The following PPM1L variants were observed in gnomAD, a reference collection of about 807,000 sequenced individuals.
The protein encoded by PPM1L is protein phosphatase 1L.
In PPM1L, 13 loss-of-function variants were observed where a neutral mutation model predicts 31.4. The observed-to-expected ratio is 0.41, with a 90% CI of 0.27 to 0.66. The LOEUF is 0.66. Among genes scored for constraint, PPM1L ranks in the 30% least tolerant of loss-of-function variants. The pLI is 0.29. For missense variants in PPM1L, 326 were observed against 453.7 expected (o/e 0.72, Z 2.56); for synonymous variants, 184 against 175.4 (o/e 1.05, Z -0.39).
At chr3:160,809,052 A>G (rs1321314527) in intron 1 of PPM1L, among the ~76,000 whole-genome samples, 1 of 152,178 alleles carries the variant, frequency 6.6e-6, no homozygotes, top group Non-Finnish European at 1.5e-5. Context: ...CCAGGTGCTA[A>G]TGTCACTGTG....
intron 2 of PPM1L, among the ~76,000 whole-genome samples, chr3:161,025,577 GAAA>G (rs35588038): frequency 3.9e-5 from 5 of 128,496 alleles, no homozygotes; most frequent in Non-Finnish European, 5.1e-5. Context: ...ATTTGTAAAT[GAAA>G]AAAAAAAAAA....
At position 160,843,424 on chromosome 3, in the gene PPM1L, TTTTATATATATA is replaced by T. The variant is rs1220423060; in HGVS notation, c.399+86719_399+86730del. Among the ~76,000 whole-genome samples the T allele has an allele frequency of 2.6e-3, 128 of 50,092 alleles. 2 individuals are homozygous for T. Among genetic ancestry groups the T allele is most frequent in the African/African-American group, 7.8e-3 (122 of 15,704 alleles). 32.9% of individuals were successfully genotyped at this position (50,092 alleles called of 152,430 possible). ...TTTTTTTGTGTGTGTATGGCAATTCTTTTATATATATATATATATATATATATATATATATAT... is the reference window on the plus strand; with the variant it reads ...TTTTTTTGTGTGTGTATGGCAATTCTTATATATATATATATATATATATAT... On this transcript the variant is annotated intron_variant, in intron 1 of 3. Transcript: ENST00000498165.
At chr3:160,766,108 T>A (rs79766260) in intron 1 of PPM1L, among the ~76,000 whole-genome samples, 2,511 of 152,328 alleles carry the variant, frequency 0.016, 63 homozygotes, top group African/African-American at 0.057. Flanking sequence ...AAAATAGTTA[T>A]TGTAATGATA....
chr3:161,025,233 G>A (rs956742398), intron 2 of PPM1L, among the ~76,000 whole-genome samples: 4 of 152,056 alleles, frequency 2.6e-5, no homozygotes. Flanking sequence ...TAGGCCATGA[G>A]AGCTTCTCCT....
chr3:160,799,914 G>A (rs1342563257), intron 1 of PPM1L, among the ~76,000 whole-genome samples: 1 of 151,910 alleles, frequency 6.6e-6, no homozygotes, highest in South Asian at 2.1e-4. Flanking sequence ...TGTATTGTAC[G>A]TCTCCCCTCC....
intron 1 of PPM1L, among the ~76,000 whole-genome samples, chr3:160,824,047 A>G (rs1190668685): frequency 6.6e-6 from 1 of 152,184 alleles, no homozygotes; most frequent in African/African-American, 2.4e-5. Context: ...TGTGCAATAG[A>G]TTGAATATTT....
Position 160,945,589 on chromosome 3 carries a change from T to G in PPM1L, c.400-16147T>G, listed in dbSNP as rs143584355. ...TTTATTTTGAGGACACTGTGACTTG[T>G]GCAGATGGTTGCCTTTATTTCTTTG... On this transcript the variant is annotated intron_variant, in intron 1 of 3. Coordinates refer to ENST00000498165, the MANE Select transcript of PPM1L (RefSeq NM_139245.4). Among the ~76,000 whole-genome samples, 29 of 152,284 alleles carry G rather than the reference T, an allele frequency of 1.9e-4. No homozygotes were observed. The East Asian group carries it at 5.4e-3, about 28-fold the overall frequency.
rs1034278803 is a variant in PPM1L at position 161,069,007 on chromosome 3, A to G, written c.933A>G (p.Glu311=). ...GTCTCTGGGATGCTTTCAGCAATGAAGAAGCAGTTCGATTCATCAAGGAGC... is the reference window on the plus strand; with the variant it reads ...GTCTCTGGGATGCTTTCAGCAATGAGGAAGCAGTTCGATTCATCAAGGAGC... ...SDGLWDAFSN[E]EAVRFIKERL... The change falls in exon 4 of 4, where the codon GAA becomes GAG. Residue 311 remains glutamate (E), a synonymous_variant. Coordinates refer to ENST00000498165, the MANE Select transcript of PPM1L (RefSeq NM_139245.4). The G allele has an allele frequency of 3.1e-6, 5 of 1,614,212 alleles. No homozygotes were observed. Among genetic ancestry groups the G allele is most frequent in the Non-Finnish European group, 4.2e-6 (5 of 1,180,026 alleles).
At chr3:160,798,712 A>G (rs1050431396) in intron 1 of PPM1L, among the ~76,000 whole-genome samples, 7 of 152,256 alleles carry the variant, frequency 4.6e-5, no homozygotes, top group Admixed American at 3.3e-4. Context: ...GCCTGCTAAC[A>G]CAACATCCAT....
intron 1 of PPM1L, among the ~76,000 whole-genome samples, chr3:160,819,782 G>GA: frequency 6.6e-6 from 1 of 152,106 alleles, no homozygotes; most frequent in South Asian, 2.1e-4. Flanking sequence ...GGGGAAGGGA[G>GA]AGTAGCCTGG....
rs184451195 is a variant in PPM1L, at chr3:160,940,070, T to G, written c.400-21666T>G. 1.8e-4 allele frequency among the ~76,000 whole-genome samples: 28 copies of G among 152,296 alleles called. No individual in the cohort carries two copies. The East Asian group carries it at 3.7e-3, about 20-fold the overall frequency. On this transcript the variant is annotated intron_variant, in intron 1 of 3. Coordinates refer to ENST00000498165, the MANE Select transcript of PPM1L (RefSeq NM_139245.4). ...GAGCAAAGGTGATTTTTATTATGTT[T>G]TAGCAAAGAGACTGGTGGCATTTTG...
chr3:161,022,434 T>C (rs552881240), intron 2 of PPM1L: 1 of 311,496 alleles, frequency 3.2e-6, no homozygotes, highest in African/African-American at 2.1e-5. Flanking sequence ...TAATTCTTTT[T>C]AAATTAAAAT....
chr3:160,838,846 T>C (rs1713788827), intron 1 of PPM1L, among the ~76,000 whole-genome samples: 1 of 152,186 alleles, frequency 6.6e-6, no homozygotes, highest in Admixed American at 6.5e-5. Flanking sequence ...AGGCTTGTCT[T>C]TGAGGACTTA....
At chr3:160,961,048 AAAAC>A (rs1715948756) in intron 1 of PPM1L, among the ~76,000 whole-genome samples, 1 of 152,190 alleles carries the variant, frequency 6.6e-6, no homozygotes, top group Admixed American at 6.5e-5. Flanking sequence ...GTAAAAACAA[AAAAC>A]AAACAGCAAC....
chr3:161,000,881 C>T (rs1717459791), intron 2 of PPM1L, among the ~76,000 whole-genome samples: 1 of 152,162 alleles, frequency 6.6e-6, no homozygotes, highest in South Asian at 2.1e-4. Context: ...CTGATTAAAA[C>T]CTCTTTAATC....
intron 1 of PPM1L, among the ~76,000 whole-genome samples, chr3:160,810,021 C>T (rs958894340): frequency 7.2e-5 from 11 of 151,982 alleles, no homozygotes; most frequent in Admixed American, 7.2e-4. Flanking sequence ...ATCTAGCGTG[C>T]TTCTGAGCCC....
intron 1 of PPM1L, among the ~76,000 whole-genome samples, chr3:160,808,388 T>TGTGTGTGTGTGTGTGTGTGCGCGCGCGC (rs1560112664): frequency 0.019 from 2,592 of 138,462 alleles, 86 homozygotes; most frequent in Non-Finnish European, 0.029. Flanking sequence ...TTTTCCTGTG[T>TGTGTGTGTGTGTGTGTGTGCGCGCGCGC]GTGTGTGTGT....
rs190194947 is a variant in PPM1L, at chr3:160,847,994, G to T, written c.399+91287G>T. Among the ~76,000 whole-genome samples, 17 of 152,266 alleles carry T rather than the reference G, an allele frequency of 1.1e-4. No individual in the cohort carries two copies. In the East Asian group the frequency reaches 3.3e-3, roughly 29 times the overall value. Reference sequence around the variant, plus strand: ...ACAGTGAATTATTATGGAATGGAGGGCAGTCTGATTAGGCATAGAGTACGA... The same window carrying T: ...ACAGTGAATTATTATGGAATGGAGGTCAGTCTGATTAGGCATAGAGTACGA... On this transcript the variant is annotated intron_variant, in intron 1 of 3. Coordinates refer to ENST00000498165, the MANE Select transcript of PPM1L (RefSeq NM_139245.4).
In PPM1L at chr3:161,069,314, C is replaced by T. The variant is rs1719840592; in HGVS notation, c.*157C>T. On this transcript the variant is annotated 3_prime_UTR_variant, in exon 4 of 4. Coordinates refer to ENST00000498165, the MANE Select transcript of PPM1L (RefSeq NM_139245.4). ...TCTTAGGTCTATAATCAGTGACGAA[C>T]AGAGGGTGCCCTTGGCCAATGTAGT... 4.7e-6 allele frequency: 3 copies of T among 635,704 alleles called. No individual in the cohort carries two copies. The East Asian group carries it at 8.3e-5, about 18-fold the overall frequency. The allele number at this position is 635,704 out of a possible 1,614,324, so 39.4% of individuals were successfully genotyped here.
Sources: allele counts gnomAD v4.1 joint callset (sites outside exome capture counted in the v4.1 genomes callset), GRCh38; gene constraint gnomAD v4.1.1; transcripts MANE v1.5; gene names NCBI Gene and HGNC (gene_info 2026-07-23, HGNC 2026-07-21).